FBLN1: variants seen among roughly 807,000 people sequenced by gnomAD.
FBLN1 encodes the protein fibulin 1, also known as fibulin-1.
FBLN1 carries 34 observed loss-of-function variants against 89.7 expected under a neutral mutation model. The ratio of observed to expected loss-of-function variants is 0.38; its 90% CI spans 0.29 to 0.50. The LOEUF (loss-of-function observed/expected upper bound fraction) is 0.50, where lower values mean the gene tolerates loss of function less well. Ranked by LOEUF, FBLN1 falls within the 20% of genes least tolerant of loss-of-function variation. FBLN1 has a pLI of 0.92. For missense variants in FBLN1, 777 were observed against 988.1 expected, an observed-to-expected ratio of 0.79 and a Z score of 2.86; for synonymous variants, 393 against 391.3, an observed-to-expected ratio of 1.00 and a Z score of -0.05.
At chr22:45,517,857 G>A in intron 1 of FBLN1, among the ~76,000 whole-genome samples, 1 of 152,082 alleles carries the variant, frequency 6.6e-6, no homozygotes, top group African/African-American at 2.4e-5. Flanking sequence ...TAGGCTGGGT[G>A]CGGTGGCTTA....
chr22:45,551,747 C>A (rs972389852), intron 14 of FBLN1, among the ~76,000 whole-genome samples: 1 of 152,252 alleles, frequency 6.6e-6, no homozygotes, highest in African/African-American at 2.4e-5. Context: ...CAGGCAGTGA[C>A]ACTGCTTCTC....
At chr22:45,518,206 T>A in intron 1 of FBLN1, among the ~76,000 whole-genome samples, 1 of 151,542 alleles carries the variant, frequency 6.6e-6, no homozygotes, top group East Asian at 1.9e-4. Context: ...TTGAACCCCC[T>A]CCCTGTTTGC....
intron 14 of FBLN1, among the ~76,000 whole-genome samples, chr22:45,554,773 C>T (rs1470261534): frequency 6.6e-6 from 1 of 152,236 alleles, no homozygotes; most frequent in Admixed American, 6.5e-5. Flanking sequence ...CGCACCTGGG[C>T]CCTGCTTCCT....
chr22:45,598,689 C>G (rs1473461583), intron 16 of FBLN1, among the ~76,000 whole-genome samples: 2 of 152,204 alleles, frequency 1.3e-5, no homozygotes, highest in African/African-American at 2.4e-5. Context: ...GCATCCTGTT[C>G]ATGATGTCTG....
At chr22:45,566,453 A>G (rs900023563) in intron 14 of FBLN1, among the ~76,000 whole-genome samples, 7 of 152,198 alleles carry the variant, frequency 4.6e-5, no homozygotes. Flanking sequence ...GGGGCTCCTT[A>G]GCCATGTTCT....
At chr22:45,503,129 G>A in intron 1 of FBLN1, 65 bp downstream of exon 1, 1 of 1,174,350 alleles carries the variant, frequency 8.5e-7, no homozygotes, top group Non-Finnish European at 1.1e-6. Flanking sequence ...CGCGCTCCCT[G>A]CGAGTTTCGG....
intron 9 of FBLN1, 51 bp from the exon 10 acceptor site, chr22:45,542,104 A>C (rs767582070): frequency 3.7e-6 from 6 of 1,613,044 alleles, no homozygotes; most frequent in Non-Finnish European, 5.1e-6. Flanking sequence ...TCTTGGGGGG[A>C]AAAAACCCAA....
At chr22:45,565,212 C>T (rs1009521314) in intron 14 of FBLN1, 77 of 1,495,598 alleles carry the variant, frequency 5.1e-5, no homozygotes, top group Admixed American at 1.3e-4. Flanking sequence ...AGTCTGGTTA[C>T]GATGGTCTGA....
At chr22:45,589,812 C>T (rs2089120794) in intron 16 of FBLN1, among the ~76,000 whole-genome samples, 1 of 146,540 alleles carries the variant, frequency 6.8e-6, no homozygotes, top group Admixed American at 6.7e-5. Context: ...CATGTCTCCA[C>T]CCTCCCCGCA....
Position 45,550,852 on chromosome 22 carries a change from C to T in FBLN1, c.1697+237C>T, listed in dbSNP as rs1395587481. ...GGGGTCTATAGTCATGTTTTCAGGCCAAGGCTGTGCACAGAACCAGGAGAA... is the reference window on the plus strand; with the variant it reads ...GGGGTCTATAGTCATGTTTTCAGGCTAAGGCTGTGCACAGAACCAGGAGAA... On this transcript the variant is annotated intron_variant, in intron 14 of 16. Coordinates refer to ENST00000327858, the MANE Select transcript of FBLN1 (RefSeq NM_006486.3). The surrounding 1 kb of genome is among the most constrained non-coding windows in gnomAD (Gnocchi z 8.4). 2 of 598,192 alleles carry T rather than the reference C, an allele frequency of 3.3e-6. No homozygotes were observed. Among genetic ancestry groups the T allele is most frequent in the Non-Finnish European group, 3.0e-6 (1 of 333,976 alleles). The allele number at this position is 598,192 out of a possible 1,614,324, so 37.1% of individuals were successfully genotyped here. A position where few individuals can be genotyped will look rare whatever the true frequency, so the allele number is the denominator to read the frequency against.
chr22:45,549,821 G>C lies in FBLN1; in HGVS notation c.1574-671G>C, dbSNP rs1026536975. Among the ~76,000 whole-genome samples the C allele has an allele frequency of 1.2e-4, 19 of 152,264 alleles. No homozygotes were observed. The highest frequency in any genetic ancestry group is 9.2e-4 in the Admixed American group (14 of 15,288). ...CCATCTCCAGGGGCCTCTCAGTGTG[G>C]TGCCCCAGGCCCCATCCCAGGAGTC... On this transcript the variant is annotated intron_variant, in intron 13 of 16. Transcript: ENST00000327858. The surrounding 1 kb of genome is among the most constrained non-coding windows in gnomAD (Gnocchi z 5.7).
At position 45,576,999 on chromosome 22, in the gene FBLN1, C is replaced by G. The variant is rs1425146753; in HGVS notation, c.1863C>G (p.Ile621Met). Reference protein sequence around the residue: ...RPEEIIFLRAITPPHPASQAN... With the variant: ...RPEEIIFLRAMTPPHPASQAN... ...CAGAGATCATCTTCCTCCGGGCCAT[C>G]ACGCCACCGCATCCTGCCAGCCAGG... The change falls in exon 16 of 17, where the codon ATC becomes ATG. Residue 621 changes from isoleucine to methionine, a missense_variant. Coordinates refer to ENST00000327858, the MANE Select transcript of FBLN1 (RefSeq NM_006486.3). This position sits in a 1 kb window ranked among gnomAD's most constrained non-coding sequence, Gnocchi z 5.2. 6 of 1,614,130 alleles carry G rather than the reference C, an allele frequency of 3.7e-6. 1 individual carries two copies. The highest frequency in any genetic ancestry group is 5.1e-6 in the Non-Finnish European group (6 of 1,180,038).
chr22:45,571,961 T>C (rs1343634598), intron 14 of FBLN1, among the ~76,000 whole-genome samples: 1 of 151,958 alleles, frequency 6.6e-6, no homozygotes, highest in African/African-American at 2.4e-5. Flanking sequence ...AAACCCCATC[T>C]CTACTAAAAA....
At chr22:45,515,753 G>A (rs2088161561) in intron 1 of FBLN1, among the ~76,000 whole-genome samples, 1 of 152,220 alleles carries the variant, frequency 6.6e-6, no homozygotes, top group African/African-American at 2.4e-5. Flanking sequence ...ACTTTATAAA[G>A]TGCATCCCTC....
chr22:45,555,215 G>A (rs1319982786), intron 14 of FBLN1, among the ~76,000 whole-genome samples: 4 of 145,488 alleles, frequency 2.7e-5, no homozygotes, highest in Admixed American at 1.4e-4. Context: ...CCTGTATTAG[G>A]GTTCTCTAGA....
chr22:45,535,830 A>G (rs1291691146), intron 8 of FBLN1, among the ~76,000 whole-genome samples: 2 of 152,232 alleles, frequency 1.3e-5, no homozygotes, highest in African/African-American at 2.4e-5. Flanking sequence ...GGTACACAGG[A>G]AGCACTCGGT....
Position 45,576,069 on chromosome 22 carries a change from C to G in FBLN1, c.1841-908C>G, listed in dbSNP as rs568779390. 2.0e-5 allele frequency among the ~76,000 whole-genome samples: 3 copies of G among 152,304 alleles called. No individual in the cohort carries two copies. Among genetic ancestry groups the G allele is most frequent in the Admixed American group, 6.5e-5 (1 of 15,304 alleles). On this transcript the variant is annotated intron_variant, in intron 15 of 16. Transcript: ENST00000327858. This position sits in a 1 kb window ranked among gnomAD's most constrained non-coding sequence, Gnocchi z 5.2. ...GTGGGGGGAGGAGAGGCTCCCTCAGCACGTGGTTGCCCAAGGAGCCGTCCC... is the reference window on the plus strand; with the variant it reads ...GTGGGGGGAGGAGAGGCTCCCTCAGGACGTGGTTGCCCAAGGAGCCGTCCC...
Position 45,576,153 on chromosome 22 carries a change from G to C in FBLN1, c.1841-824G>C, listed in dbSNP as rs1398735260. The stretch of plus-strand genomic sequence containing the variant: ...AAAGGAATAACGCTGAATCGTCACA[G>C]GGTGGCACAGACTTGGGTCAGAGAA... On this transcript the variant is annotated intron_variant, in intron 15 of 16. Coordinates refer to ENST00000327858, the MANE Select transcript of FBLN1 (RefSeq NM_006486.3). The surrounding 1 kb of genome is among the most constrained non-coding windows in gnomAD (Gnocchi z 5.2). Among the ~76,000 whole-genome samples, 1 of 152,202 alleles carries C rather than the reference G, an allele frequency of 6.6e-6. No homozygotes were observed. The highest frequency in any genetic ancestry group is 1.5e-5 in the Non-Finnish European group (1 of 68,032).
rs780536909 is a variant in FBLN1 at position 45,576,641 on chromosome 22, G to A, written c.1841-336G>A. On this transcript the variant is annotated intron_variant, in intron 15 of 16. Coordinates refer to ENST00000327858, the MANE Select transcript of FBLN1 (RefSeq NM_006486.3). The surrounding 1 kb of genome is among the most constrained non-coding windows in gnomAD (Gnocchi z 5.2). ...GCTGTCTCCCTCTGTCCCCTCACTC[G>A]CTTTCCTCCTCTGGTCCCCACCTTC... is the stretch of plus-strand genomic sequence containing the variant. Among the ~76,000 whole-genome samples the A allele has an allele frequency of 1.3e-5, 2 of 152,054 alleles. No homozygotes were observed. Among genetic ancestry groups the A allele is most frequent in the Middle Eastern group, 3.2e-3 (1 of 316 alleles).
Sources: allele counts gnomAD v4.1 joint callset (sites outside exome capture counted in the v4.1 genomes callset), GRCh38; gene constraint gnomAD v4.1.1; non-coding constraint Gnocchi (gnomAD v3.1); transcripts MANE v1.5; gene names NCBI Gene and HGNC (gene_info 2026-07-23, HGNC 2026-07-21).